The following TFDP2 variants were observed in gnomAD, a reference collection of about 807,000 sequenced individuals.
The protein encoded by TFDP2 is transcription factor Dp-2 (E2F dimerization partner 2).
Under a neutral mutation model 59.3 loss-of-function variants are expected in TFDP2, and 17 were observed. The ratio of observed to expected loss-of-function variants is 0.29; its 90% CI spans 0.20 to 0.43. TFDP2 has a LOEUF of 0.43. TFDP2 is among the 20% of genes least tolerant of loss of function. TFDP2 has a pLI of 1.00. For synonymous variants in TFDP2, 180 were observed against 194.7 expected, an observed-to-expected ratio of 0.92 and a Z score of 0.63; for missense variants, 391 against 528.8, an observed-to-expected ratio of 0.74 and a Z score of 2.56.
rs533533866 is a variant in TFDP2 at position 141,996,202 on chromosome 3, CAA to C, written c.187-1063_187-1062del. Among the ~76,000 whole-genome samples the C allele has an allele frequency of 4.8e-3, 733 of 151,864 alleles. 5 individuals are homozygous for C. Among genetic ancestry groups the C allele is most frequent in the African/African-American group, 0.017 (686 of 41,410 alleles). On this transcript the variant is annotated intron_variant, in intron 4 of 12. Coordinates refer to ENST00000489671, the MANE Select transcript of TFDP2 (RefSeq NM_001178139.2). ...GTTACAAAACAAAACATGTTTTTCC[CAA>C]AGACATTTATAATAATTAATACAAA...
chr3:142,061,889 TACACACACACACACACACACACACACAC>T (rs71153939), intron 3 of TFDP2, among the ~76,000 whole-genome samples: 3 of 79,880 alleles, frequency 3.8e-5, no homozygotes, highest in Non-Finnish European at 7.8e-5. Flanking sequence ...TCTCTCTCTC[TACACACACACACACACACACACACACAC>T]ACACACACAC....
At chr3:142,142,396 A>C (rs1280128182) in intron 1 of TFDP2, among the ~76,000 whole-genome samples, 2 of 152,198 alleles carry the variant, frequency 1.3e-5, no homozygotes, top group African/African-American at 4.8e-5. Context: ...ATAACCAAAG[A>C]AGTGAAAGAT....
At chr3:141,995,676 G>C (rs151312661) in intron 4 of TFDP2, among the ~76,000 whole-genome samples, 8 of 152,002 alleles carry the variant, frequency 5.3e-5, no homozygotes, top group African/African-American at 9.7e-5. Context: ...CTGAGGTCAC[G>C]AGTTCAAGAC....
At chr3:142,003,284 C>A (rs1334679552) in intron 4 of TFDP2, among the ~76,000 whole-genome samples, 2 of 151,400 alleles carry the variant, frequency 1.3e-5, no homozygotes, top group Non-Finnish European at 2.9e-5. Flanking sequence ...CAGACATGAG[C>A]CACCACACCC....
At chr3:142,022,743 T>A (rs1482598746) in intron 3 of TFDP2, among the ~76,000 whole-genome samples, 1 of 152,126 alleles carries the variant, frequency 6.6e-6, no homozygotes, top group Non-Finnish European at 1.5e-5. Context: ...AACAGATAAA[T>A]CCTTTTAAAT....
At chr3:141,967,301 T>G (rs1325663271) in intron 9 of TFDP2, among the ~76,000 whole-genome samples, 2 of 149,792 alleles carry the variant, frequency 1.3e-5, no homozygotes, top group South Asian at 2.1e-4. Context: ...TTTTGTTTTT[T>G]TTTTTTTTGA....
At chr3:142,073,485 T>C (rs202132924) in intron 3 of TFDP2, among the ~76,000 whole-genome samples, 1 of 10,042 alleles carries the variant, frequency 1.0e-4, no homozygotes, top group East Asian at 3.5e-3. Context: ...AAAAAAAAAA[T>C]AAAAAAGACA....
At chr3:142,120,974 T>A (rs549202880) in intron 1 of TFDP2, among the ~76,000 whole-genome samples, 2 of 152,134 alleles carry the variant, frequency 1.3e-5, no homozygotes, top group Non-Finnish European at 2.9e-5. Flanking sequence ...AATTCTCCCA[T>A]GAGCTCATCA....
At chr3:141,953,883 A>T (rs966311800) in intron 11 of TFDP2, among the ~76,000 whole-genome samples, 1 of 150,180 alleles carries the variant, frequency 6.7e-6, no homozygotes, top group African/African-American at 2.5e-5. Flanking sequence ...TACAGAAAAT[A>T]GTTTGGGCTG....
intron 3 of TFDP2, among the ~76,000 whole-genome samples, chr3:142,030,700 G>T (rs977759363): frequency 8.6e-5 from 13 of 150,308 alleles, no homozygotes; most frequent in Non-Finnish European, 1.5e-4. Flanking sequence ...AAAACAAAAG[G>T]AAATTAAACA....
chr3:142,039,691 C>T (rs559708416), intron 3 of TFDP2, among the ~76,000 whole-genome samples: 1 of 152,152 alleles, frequency 6.6e-6, no homozygotes, highest in South Asian at 2.1e-4. Flanking sequence ...TAAGGCTGAA[C>T]CAGGACAATA....
rs543112106 is a variant in TFDP2 at position 141,968,540 on chromosome 3, CAT to C, written c.732+1531_732+1532del. 5.9e-3 allele frequency among the ~76,000 whole-genome samples: 514 copies of C among 87,084 alleles called. 27 individuals carry two copies. Among genetic ancestry groups the C allele is most frequent in the African/African-American group, 0.015 (262 of 17,100 alleles). 57.1% of individuals were successfully genotyped at this position (87,084 alleles called of 152,430 possible). ...ATCTCATATATATAGATATATATAA[CAT>C]ATATATATCTCATATATATAGATAT... On this transcript the variant is annotated intron_variant, in intron 9 of 12. Transcript: ENST00000489671.
At chr3:142,122,832 T>C (rs774487688) in intron 1 of TFDP2, among the ~76,000 whole-genome samples, 5 of 152,146 alleles carry the variant, frequency 3.3e-5, no homozygotes, top group African/African-American at 9.7e-5. Flanking sequence ...GGGCAGAGTA[T>C]AGTTAAATAG....
chr3:141,953,630 A>AT (rs908891420), intron 11 of TFDP2, among the ~76,000 whole-genome samples: 15 of 151,648 alleles, frequency 9.9e-5, no homozygotes, highest in South Asian at 6.3e-4. Flanking sequence ...CTCTTATTTT[A>AT]TTTTTTTTAT....
At chr3:142,129,859 T>C (rs1290758614) in intron 1 of TFDP2, among the ~76,000 whole-genome samples, 1 of 151,988 alleles carries the variant, frequency 6.6e-6, no homozygotes, top group Non-Finnish European at 1.5e-5. Flanking sequence ...CCCTAATGAT[T>C]AGGGAAATGC....
intron 1 of TFDP2, among the ~76,000 whole-genome samples, chr3:142,103,435 T>C (rs1157762856): frequency 6.6e-6 from 1 of 152,134 alleles, no homozygotes; most frequent in Non-Finnish European, 1.5e-5. Context: ...CTTTGATCAA[T>C]GAACTTGGAG....
intron 3 of TFDP2, among the ~76,000 whole-genome samples, chr3:142,038,428 T>C (rs1238152109): frequency 6.1e-5 from 9 of 148,014 alleles, no homozygotes; most frequent in Admixed American, 6.1e-4. Flanking sequence ...AGAAATACTG[T>C]AGATGAGAAG....
chr3:142,133,061 C>G (rs1044764827), intron 1 of TFDP2, among the ~76,000 whole-genome samples: 2 of 149,850 alleles, frequency 1.3e-5, no homozygotes, highest in African/African-American at 5.1e-5. Context: ...AGAAAAACTA[C>G]AAAACGAGAC....
In TFDP2 at chr3:142,149,457, T is replaced by C. The variant is rs548244512; in HGVS notation, c.-367A>G. 2.7e-6 allele frequency: 1 copy of C among 374,330 alleles called. No individual in the cohort carries two copies. The highest frequency in any genetic ancestry group is 4.7e-6 in the Non-Finnish European group (1 of 210,986). The allele number at this position is 374,330 out of a possible 1,614,324, so 23.2% of individuals were successfully genotyped here. On this transcript the variant is annotated 5_prime_UTR_variant, in exon 1 of 13. Coordinates refer to ENST00000489671, the MANE Select transcript of TFDP2 (RefSeq NM_001178139.2). ...AGCTGCGGCAGCGCCGCAGCCGAGA[T>C]CGCTACCGATTTCGTCCGCCCTCTC...
Sources: allele counts gnomAD v4.1 joint callset (sites outside exome capture counted in the v4.1 genomes callset), GRCh38; gene constraint gnomAD v4.1.1; transcripts MANE v1.5; gene names NCBI Gene and HGNC (gene_info 2026-07-23, HGNC 2026-07-21).